Variants in ITPA observed in about 807,000 individuals in gnomAD.
ITPA encodes inosine triphosphate pyrophosphatase.
A neutral mutation model predicts 29.6 loss-of-function variants in ITPA; 29 were observed. The ratio of observed to expected loss-of-function variants is 0.98; its 90% CI spans 0.73 to 1.34. The LOEUF is 1.34. Among genes scored for constraint, ITPA ranks in the 40% most tolerant of loss-of-function variants. The pLI is 0.00. For missense variants in ITPA, 241 were observed against 251.5 expected, an observed-to-expected ratio of 0.96 and a Z score of 0.28; for synonymous variants, 103 against 99.3, an observed-to-expected ratio of 1.04 and a Z score of -0.22.
chr20:3,218,447 T>C (rs1351142762), intron 5 of ITPA, 70 bp from the exon 6 acceptor site: 32 of 1,089,322 alleles, frequency 2.9e-5, no homozygotes, highest in Non-Finnish European at 5.7e-6. Context: ...CCACCCTTAG[T>C]GGGCGTCTTG....
upstream of ITPA, among the ~76,000 whole-genome samples, chr20:3,208,407 C>T (rs909033877): frequency 1.3e-5 from 2 of 152,254 alleles, no homozygotes; most frequent in Non-Finnish European, 2.9e-5. Flanking sequence ...CGCAGTTTTG[C>T]TCTTGTTGCC....
chr20:3,218,156 A>G (rs1171281642), intron 5 of ITPA, among the ~76,000 whole-genome samples: 3 of 151,134 alleles, frequency 2.0e-5, no homozygotes, highest in Admixed American at 6.6e-5. Context: ...CTGACCTCAT[A>G]ATCTGCCCGA....
chr20:3,226,399 G>A (rs144477937), downstream of ITPA, among the ~76,000 whole-genome samples: 152 of 152,252 alleles, frequency 1.0e-3, no homozygotes, highest in African/African-American at 3.5e-3. The surrounding 1 kb of genome is among the most constrained non-coding windows in gnomAD (Gnocchi z 4.4). Context: ...CTCGCTACCC[G>A]TCCCCAGACA....
chr20:3,214,811 C>T lies in ITPA; in HGVS notation c.264-470C>T, dbSNP rs112919782. 4.3e-3 allele frequency among the ~76,000 whole-genome samples: 651 copies of T among 152,220 alleles called. 4 individuals are homozygous for T. Among genetic ancestry groups the T allele is most frequent in the African/African-American group, 0.014 (583 of 41,554 alleles). On this transcript the variant is annotated intron_variant, in intron 4 of 7. Transcript: ENST00000380113. ...AGCCAGGATCGTCTCCATCTCCTGA[C>T]CTCGTGATCTGCCCTTCTTGGCCTC...
upstream of ITPA, chr20:3,204,672 G>A (rs761290997): frequency 3.3e-6 from 5 of 1,527,088 alleles, no homozygotes; most frequent in Non-Finnish European, 3.5e-6. Context: ...CCTGAGGCCG[G>A]GATCTCATAG....
At chr20:3,226,800 C>T (rs950998191), downstream of ITPA, among the ~76,000 whole-genome samples, 10 of 152,294 alleles carry the variant, frequency 6.6e-5, no homozygotes, top group East Asian at 3.9e-4. This position sits in a 1 kb window ranked among gnomAD's most constrained non-coding sequence, Gnocchi z 4.4. Context: ...GCTGCGCACC[C>T]GGCACTCCCC....
At position 3,223,351 on chromosome 20, in the gene ITPA, A is replaced by G; in HGVS notation, c.489-15A>G. The G allele has an allele frequency of 6.2e-7, 1 of 1,604,636 alleles. No homozygotes were observed. The highest frequency in any genetic ancestry group is 8.5e-7 in the Non-Finnish European group (1 of 1,172,324). On this transcript the variant is annotated splice_polypyrimidine_tract_variant and intron_variant, in intron 7 of 7. Coordinates refer to ENST00000380113, the MANE Select transcript of ITPA (RefSeq NM_033453.4). Reference sequence around the variant, plus strand: ...CTGAATCTGGGCTCCCTGAGCTGCTACTGTCACCCCTCAGGTACGCAGAGA... The same window carrying G: ...CTGAATCTGGGCTCCCTGAGCTGCTGCTGTCACCCCTCAGGTACGCAGAGA...
At chr20:3,225,788 G>A (rs917886018), downstream of ITPA, among the ~76,000 whole-genome samples, 13 of 152,188 alleles carry the variant, frequency 8.5e-5, no homozygotes, top group African/African-American at 2.4e-5. Flanking sequence ...CAGCACTTTG[G>A]GAGGCCAAGG....
At chr20:3,211,417 C>T (rs2067170921) in intron 1 of ITPA, among the ~76,000 whole-genome samples, 1 of 152,038 alleles carries the variant, frequency 6.6e-6, no homozygotes, top group Non-Finnish European at 1.5e-5. Context: ...CCACCCTCCA[C>T]CCATTTCGGC....
At chr20:3,208,205 G>A (rs1456783563), upstream of ITPA, among the ~76,000 whole-genome samples, 1 of 152,002 alleles carries the variant, frequency 6.6e-6, no homozygotes, top group Admixed American at 6.6e-5. Flanking sequence ...AGGCATCCAT[G>A]TAAGGTGGGC....
Position 3,218,648 on chromosome 20 carries a change from G to T in ITPA, c.411+16G>T. 1 of 1,589,656 alleles carries T rather than the reference G, an allele frequency of 6.3e-7. No homozygotes were observed. The highest frequency in any genetic ancestry group is 8.6e-7 in the Non-Finnish European group (1 of 1,158,848). ...CCGGACCTCGGTGCGTACCCACCTT[G>T]ATGCAGTTCCCGCCGCGCGCCGCCA... is the stretch of plus-strand genomic sequence containing the variant. On this transcript the variant is annotated intron_variant, in intron 6 of 7. Coordinates refer to ENST00000380113, the MANE Select transcript of ITPA (RefSeq NM_033453.4).
chr20:3,222,728 C>T (rs978496104), intron 7 of ITPA, among the ~76,000 whole-genome samples: 1 of 152,238 alleles, frequency 6.6e-6, no homozygotes, highest in Non-Finnish European at 1.5e-5. Flanking sequence ...TGTGAGGCCC[C>T]ACAATAGCCC....
chr20:3,209,523 G>T lies in ITPA; in HGVS notation c.-29G>T, dbSNP rs757203879. On this transcript the variant is annotated 5_prime_UTR_variant, in exon 1 of 8. Transcript: ENST00000380113. The surrounding 1 kb of genome is among the most constrained non-coding windows in gnomAD (Gnocchi z 4.6). The stretch of plus-strand genomic sequence containing the variant: ...GTCACTGGACGCCAAGGAGTTTTCG[G>T]TGGCTCAGCTGGGTAACCGGGGATC... 1.1e-5 allele frequency: 17 copies of T among 1,610,316 alleles called. No homozygotes were observed. In the South Asian group the frequency reaches 1.5e-4, roughly 15 times the overall value.
At chr20:3,218,817 T>A (rs113694362) in intron 6 of ITPA, 185 bp downstream of exon 6, 64 of 654,640 alleles carry the variant, frequency 9.8e-5, no homozygotes, top group African/African-American at 9.8e-4. Flanking sequence ...AGGAGGGTGG[T>A]GGAAAGGGTT....
chr20:3,226,607 C>T (rs1173868525), downstream of ITPA, among the ~76,000 whole-genome samples: 1 of 152,234 alleles, frequency 6.6e-6, no homozygotes, highest in Non-Finnish European at 1.5e-5. This position sits in a 1 kb window ranked among gnomAD's most constrained non-coding sequence, Gnocchi z 4.4. Context: ...TGTTCACGGC[C>T]TCTGCCTCTT....
intron 4 of ITPA, among the ~76,000 whole-genome samples, chr20:3,214,814 C>T (rs565950946): frequency 6.6e-6 from 1 of 152,054 alleles, no homozygotes; most frequent in South Asian, 2.1e-4. Flanking sequence ...CTCCTGACCT[C>T]GTGATCTGCC....
At chr20:3,212,933 A>T (rs1188392800) in intron 1 of ITPA, among the ~76,000 whole-genome samples, 1 of 151,734 alleles carries the variant, frequency 6.6e-6, no homozygotes, top group East Asian at 1.9e-4. Flanking sequence ...TGTGTTCTGG[A>T]TGGGGGCTTA....
intron 6 of ITPA, among the ~76,000 whole-genome samples, chr20:3,220,817 A>G (rs1397382079): frequency 6.6e-6 from 1 of 151,308 alleles, no homozygotes; most frequent in Admixed American, 6.6e-5. Flanking sequence ...CGGCCTCCCC[A>G]AGCGCTGAGA....
chr20:3,223,553 T>C lies in ITPA; in HGVS notation c.*91T>C. ...ATCGGGCAGGCACCCCCTGAAGTAC[T>C]TCCTTCAGGGTTTCCCCTTTGTGAG... is the stretch of plus-strand genomic sequence containing the variant. On this transcript the variant is annotated 3_prime_UTR_variant, in exon 8 of 8. Transcript: ENST00000380113. 1.1e-6 allele frequency: 1 copy of C among 945,288 alleles called. No individual in the cohort carries two copies. Among genetic ancestry groups the C allele is most frequent in the Non-Finnish European group, 1.7e-6 (1 of 603,022 alleles). 58.6% of individuals were successfully genotyped at this position (945,288 alleles called of 1,614,324 possible).
Sources: gnomAD v4.1 joint callset for allele counts (sites outside exome capture counted in the v4.1 genomes callset) on GRCh38, gnomAD v4.1.1 for gene constraint, Gnocchi (gnomAD v3.1) non-coding constraint, MANE v1.5 for transcripts, NCBI Gene and HGNC (gene_info 2026-07-23, HGNC 2026-07-21) for gene names.